SMAD5: variants seen among roughly 807,000 people sequenced by gnomAD.
SMAD5 encodes MAD, mothers against decapentaplegic homolog 5.
Under a neutral mutation model 43.1 loss-of-function variants are expected in SMAD5, and 9 were observed. The observed-to-expected ratio is 0.21, with a 90% CI of 0.13 to 0.36. The LOEUF (loss-of-function observed/expected upper bound fraction) is 0.36, where lower values mean the gene tolerates loss of function less well. Among genes scored for constraint, SMAD5 ranks in the 10% least tolerant of loss-of-function variants. The pLI is 1.00. For synonymous variants in SMAD5, 190 were observed against 192.4 expected (o/e 0.99, Z 0.10); for missense variants, 348 against 574.0 (o/e 0.61, Z 4.02).
chr5:136,143,266 C>CT (rs71583248), intron 1 of SMAD5, among the ~76,000 whole-genome samples: 15,516 of 141,888 alleles, frequency 0.11, 976 homozygotes, highest in East Asian at 0.27. Flanking sequence ...CCTCGTATCT[C>CT]TTTTTTTTTT....
rs569701088 is a variant in SMAD5, at chr5:136,180,648, C to A, written c.*3168C>A. On this transcript the variant is annotated 3_prime_UTR_variant, in exon 8 of 8. Coordinates refer to ENST00000545279, the MANE Select transcript of SMAD5 (RefSeq NM_005903.7). The stretch of plus-strand genomic sequence containing the variant: ...TTTTTAAGAGGAGATTTAAGGAAGA[C>A]GTCAATCAAAATGTCAAATATGTGT... The A allele has an allele frequency of 6.6e-6, 1 of 151,926 alleles. No homozygotes were observed. Among genetic ancestry groups the A allele is most frequent in the Non-Finnish European group, 1.5e-5 (1 of 67,950 alleles). The allele number at this position is 151,926 out of a possible 1,614,324, so 9.4% of individuals were successfully genotyped here. A position where few individuals can be genotyped will look rare whatever the true frequency, so the allele number is the denominator to read the frequency against.
intron 5 of SMAD5, among the ~76,000 whole-genome samples, chr5:136,166,577 G>T (rs1229885386): frequency 6.6e-6 from 1 of 152,094 alleles, no homozygotes. Flanking sequence ...TGCAATGTAG[G>T]TAGTTTTTAA....
intron 5 of SMAD5, among the ~76,000 whole-genome samples, chr5:136,167,332 G>T (rs977771811): frequency 1.3e-5 from 2 of 151,932 alleles, no homozygotes; most frequent in Non-Finnish European, 2.9e-5. Context: ...ACTTCTTTGG[G>T]CTTACAGTGG....
chr5:136,135,546 T>C (rs1752844691), intron 1 of SMAD5, among the ~76,000 whole-genome samples: 1 of 152,212 alleles, frequency 6.6e-6, no homozygotes, highest in African/African-American at 2.4e-5. Flanking sequence ...AAAATACCAG[T>C]TTTTCATTTC....
Position 136,160,893 on chromosome 5 carries a change from C to G in SMAD5, c.441C>G (p.Phe147Leu), listed in dbSNP as rs777674199. ...TATTAGTGCCTCGTCATAATGAATTCAATCCACAACACAGCCTTCTGGTTC... is the reference window on the plus strand; with the variant it reads ...TATTAGTGCCTCGTCATAATGAATTGAATCCACAACACAGCCTTCTGGTTC... ...PPVLVPRHNE[F>L]NPQHSLLVQF... is the part of the protein sequence containing the mutation. Residue 147 changes from phenylalanine (F) to leucine (L), a missense_variant, in exon 4 of 8, where the codon TTC becomes TTG. Around this residue, in one of 5 missense-constraint regions of SMAD5, gnomAD observed 185 missense variants for 207.0 expected, o/e 0.89. Coordinates refer to ENST00000545279, the MANE Select transcript of SMAD5 (RefSeq NM_005903.7). 6.2e-7 allele frequency: 1 copy of G among 1,613,858 alleles called. No homozygotes were observed. The highest frequency in any genetic ancestry group is 1.7e-5 in the Admixed American group (1 of 60,024).
intron 7 of SMAD5, among the ~76,000 whole-genome samples, chr5:136,174,954 A>C (rs1369703525): frequency 6.6e-6 from 1 of 152,240 alleles, no homozygotes; most frequent in Non-Finnish European, 1.5e-5. Context: ...GCTAATAGAC[A>C]TACTCAAGAC....
At chr5:136,163,079 T>A (rs1205906128) in intron 4 of SMAD5, among the ~76,000 whole-genome samples, 193 bp from the exon 5 acceptor site, 1 of 152,188 alleles carries the variant, frequency 6.6e-6, no homozygotes, top group Non-Finnish European at 1.5e-5. Flanking sequence ...TGTGGATTTG[T>A]AGTAGGTTTT....
At chr5:136,154,523 C>A (rs999008020) in intron 3 of SMAD5, among the ~76,000 whole-genome samples, 6 of 152,084 alleles carry the variant, frequency 3.9e-5, no homozygotes, top group Non-Finnish European at 8.8e-5. Context: ...ATCCTTCTCT[C>A]CAGCATTATA....
intron 5 of SMAD5, 31 bp downstream of exon 5, chr5:136,163,422 T>C: frequency 6.5e-7 from 1 of 1,546,520 alleles, no homozygotes; most frequent in Non-Finnish European, 8.7e-7. Flanking sequence ...ATTTATTTTA[T>C]AGTAGTAGTT....
intron 3 of SMAD5, among the ~76,000 whole-genome samples, chr5:136,158,289 C>G (rs1362201799): frequency 6.6e-6 from 1 of 151,768 alleles, no homozygotes; most frequent in African/African-American, 2.4e-5. Flanking sequence ...TGAAAACTTT[C>G]CAGAAAAGAA....
chr5:136,167,502 G>A (rs1433816291), intron 5 of SMAD5, among the ~76,000 whole-genome samples: 1 of 152,058 alleles, frequency 6.6e-6, no homozygotes, highest in Admixed American at 6.6e-5. Context: ...AGTTGGCTGG[G>A]CGCAGTGGCT....
intron 5 of SMAD5, among the ~76,000 whole-genome samples, chr5:136,164,610 G>C: frequency 6.6e-6 from 1 of 152,084 alleles, no homozygotes; most frequent in East Asian, 1.9e-4. Flanking sequence ...GTATATTCTG[G>C]ATATGAATCC....
intron 1 of SMAD5, chr5:136,134,320 G>C (rs1752801323): frequency 6.6e-6 from 1 of 152,348 alleles, no homozygotes; most frequent in Non-Finnish European, 1.5e-5. Context: ...TAGAGTACTT[G>C]AATTTCCTTA....
intron 1 of SMAD5, among the ~76,000 whole-genome samples, chr5:136,135,692 TTTA>T (rs1231487111): frequency 6.6e-6 from 1 of 152,228 alleles, no homozygotes; most frequent in Non-Finnish European, 1.5e-5. Flanking sequence ...CATATCAGTG[TTTA>T]TTATTACCAG....
chr5:136,167,984 G>A (rs140920551), intron 5 of SMAD5, among the ~76,000 whole-genome samples: 4 of 152,000 alleles, frequency 2.6e-5, no homozygotes, highest in African/African-American at 7.2e-5. Flanking sequence ...ATTATCATAC[G>A]CATGTGCCAC....
At chr5:136,171,731 C>G (rs1754227023) in intron 5 of SMAD5, among the ~76,000 whole-genome samples, 1 of 152,126 alleles carries the variant, frequency 6.6e-6, no homozygotes, top group East Asian at 1.9e-4. Context: ...ACTGGGTTTA[C>G]AACATTAGAG....
intron 5 of SMAD5, among the ~76,000 whole-genome samples, chr5:136,166,389 T>G (rs1489307030): frequency 1.3e-5 from 2 of 152,158 alleles, no homozygotes; most frequent in African/African-American, 4.8e-5. Context: ...TCTGTATTCC[T>G]AAGAGCAGTT....
chr5:136,153,749 G>T lies in SMAD5; in HGVS notation c.-12G>T. On this transcript the variant is annotated 5_prime_UTR_variant, in exon 3 of 8. Transcript: ENST00000545279. ...TTTGAGTTACAGGAAGGTCTCCGAA[G>T]ATTTGTGTCAAATGACGTCAATGGC... The T allele has an allele frequency of 6.3e-7, 1 of 1,593,614 alleles. No homozygotes were observed.
chr5:136,154,928 C>T (rs976137767), intron 3 of SMAD5, among the ~76,000 whole-genome samples: 14 of 152,136 alleles, frequency 9.2e-5, no homozygotes, highest in Non-Finnish European at 8.8e-5. Context: ...CCTGGTTCTC[C>T]TACCTCACTG....
Sources: gnomAD v4.1 joint callset for allele counts (sites outside exome capture counted in the v4.1 genomes callset) on GRCh38, gnomAD v4.1.1 for gene constraint, gnomAD v4.1.1 regional missense constraint, MANE v1.5 for transcripts, NCBI Gene and HGNC (gene_info 2026-07-23, HGNC 2026-07-21) for gene names.